Variants in NTN1 observed in about 807,000 individuals in gnomAD.
NTN1 encodes the protein netrin-1.
In NTN1, 11 loss-of-function variants were observed where a neutral mutation model predicts 54.2. The observed-to-expected ratio is 0.20, with a 90% CI of 0.13 to 0.34. The LOEUF is 0.34. NTN1 is among the 10% of genes least tolerant of loss of function. NTN1 has a pLI of 1.00. For synonymous variants in NTN1, 371 were observed against 382.0 expected (o/e 0.97, Z 0.33); for missense variants, 740 against 893.1 (o/e 0.83, Z 2.18).
intron 2 of NTN1, among the ~76,000 whole-genome samples, chr17:9,136,255 A>G (rs4791796): frequency 0.65 from 98,610 of 151,826 alleles, 32,940 homozygotes; most frequent in East Asian, 1. Flanking sequence ...GGTTCAGAGT[A>G]GACGATAATA....
At chr17:9,180,049 T>G in intron 4 of NTN1, 93 bp downstream of exon 4, 2 of 1,399,746 alleles carry the variant, frequency 1.4e-6, no homozygotes, top group Non-Finnish European at 1.9e-6. Flanking sequence ...AGTGGGTTCC[T>G]TTTTTGGTTG....
chr17:9,114,166 A>AATATATATATATATAT (rs34188198), intron 2 of NTN1, among the ~76,000 whole-genome samples: 14 of 74,606 alleles, frequency 1.9e-4, no homozygotes, highest in African/African-American at 2.3e-4. Flanking sequence ...AAAAAAAAAA[A>AATATATATATATATAT]ATATATATAT....
At chr17:9,224,811 G>GGGGGGGGGGGGGGGGGC (rs71361878) in intron 6 of NTN1, among the ~76,000 whole-genome samples, 1 of 151,484 alleles carries the variant, frequency 6.6e-6, no homozygotes, top group Non-Finnish European at 1.5e-5. Context: ...GGGTGGGGGG[G>GGGGGGGGGGGGGGGGGC]CACAGTGGGA....
At chr17:9,161,002 A>G (rs1348873918) in intron 2 of NTN1, among the ~76,000 whole-genome samples, 3 of 152,246 alleles carry the variant, frequency 2.0e-5, no homozygotes, top group Admixed American at 1.3e-4. Flanking sequence ...TTCTTTAGAA[A>G]TTCCATAAAA....
chr17:9,022,159 G>T (rs1380863247), intron 1 of NTN1, among the ~76,000 whole-genome samples, 152 bp from the exon 2 acceptor site: 2 of 152,116 alleles, frequency 1.3e-5, no homozygotes, highest in African/African-American at 4.8e-5. Flanking sequence ...CGGCTTCGCC[G>T]CCCGCGGGAC....
chr17:9,176,147 C>G (rs1300824949), intron 3 of NTN1: 1 of 141,274 alleles, frequency 7.1e-6, no homozygotes, highest in Non-Finnish European at 1.5e-5. Context: ...TTCTCCCCAG[C>G]TCACTCCACA....
intron 2 of NTN1, among the ~76,000 whole-genome samples, chr17:9,062,539 G>A (rs8082309): frequency 0.31 from 46,857 of 151,972 alleles, 7,448 homozygotes; most frequent in East Asian, 0.44. Context: ...TGCAGCCAGG[G>A]GAACCTTTAG....
the NTN1 span, among the ~76,000 whole-genome samples, chr17:9,011,625 C>G: frequency 6.6e-6 from 1 of 152,122 alleles, no homozygotes; most frequent in Non-Finnish European, 1.5e-5. Context: ...GAGCCTGGCT[C>G]TGTAGCCAGG....
chr17:9,126,279 C>T (rs1231333229), intron 2 of NTN1, among the ~76,000 whole-genome samples: 1 of 152,180 alleles, frequency 6.6e-6, no homozygotes, highest in East Asian at 1.9e-4. Context: ...GAGGCCAAGG[C>T]GGGTAGATCA....
intron 2 of NTN1, among the ~76,000 whole-genome samples, chr17:9,040,242 A>G (rs1199551116): frequency 6.6e-6 from 1 of 152,246 alleles, no homozygotes; most frequent in Non-Finnish European, 1.5e-5. Context: ...ATTTGGAAGT[A>G]TAGAACATCT....
chr17:9,013,216 C>CTTTTTTTTTTT, the NTN1 span, among the ~76,000 whole-genome samples: 1 of 118,726 alleles, frequency 8.4e-6, no homozygotes, highest in African/African-American at 3.2e-5. Flanking sequence ...TTTTCTTTTT[C>CTTTTTTTTTTT]TTTTTTTTTT....
At chr17:9,122,543 C>G (rs1188774128) in intron 2 of NTN1, among the ~76,000 whole-genome samples, 1 of 152,106 alleles carries the variant, frequency 6.6e-6, no homozygotes, top group African/African-American at 2.4e-5. Context: ...CATTAAACAC[C>G]AAGCAGTGGT....
chr17:9,043,351 TAAA>T (rs2091929079), intron 2 of NTN1, among the ~76,000 whole-genome samples: 1 of 152,208 alleles, frequency 6.6e-6, no homozygotes, highest in Admixed American at 6.5e-5. Flanking sequence ...CTTTCTAATT[TAAA>T]AAATCTATAA....
chr17:9,228,367 G>A (rs1447722486), intron 6 of NTN1, among the ~76,000 whole-genome samples: 1 of 152,198 alleles, frequency 6.6e-6, no homozygotes, highest in African/African-American at 2.4e-5. Context: ...TCAGTGCAGT[G>A]TGGGGCCCAG....
In NTN1 at chr17:9,119,034, CTTTG is replaced by C. The variant is rs542578664; in HGVS notation, c.1019-43775_1019-43772del. Among the ~76,000 whole-genome samples the C allele has an allele frequency of 2.1e-4, 32 of 152,286 alleles. No homozygotes were observed. The South Asian group carries it at 6.0e-3, about 29-fold the overall frequency. ...AGTGGAATAGCCAGGTCCTACATAACTTTGTTTAACTTTCTGAGGAACTGCTGGA... is the reference window on the plus strand; with the variant it reads ...AGTGGAATAGCCAGGTCCTACATAACTTTAACTTTCTGAGGAACTGCTGGA... On this transcript the variant is annotated intron_variant, in intron 2 of 6. Transcript: ENST00000173229.
intron 6 of NTN1, among the ~76,000 whole-genome samples, chr17:9,223,421 G>A (rs530062121): frequency 9.2e-5 from 14 of 152,190 alleles, no homozygotes; most frequent in East Asian, 7.7e-4. Context: ...GCGTCGTGGC[G>A]CACACCTGTA....
intron 5 of NTN1, among the ~76,000 whole-genome samples, chr17:9,208,652 G>C (rs1473703269): frequency 2.0e-5 from 3 of 152,212 alleles, no homozygotes; most frequent in African/African-American, 7.2e-5. Flanking sequence ...ATGGCCTCCG[G>C]CTTCTCCTAA....
intron 6 of NTN1, among the ~76,000 whole-genome samples, chr17:9,231,658 T>G (rs1182096058): frequency 6.6e-6 from 1 of 152,136 alleles, no homozygotes; most frequent in African/African-American, 2.4e-5. Flanking sequence ...AGGTGGCACC[T>G]TGGTGGAGAA....
chr17:9,151,894 A>G (rs1234306652), intron 2 of NTN1, among the ~76,000 whole-genome samples: 2 of 152,162 alleles, frequency 1.3e-5, no homozygotes, highest in African/African-American at 4.8e-5. Flanking sequence ...AAACACACCA[A>G]TCAGCACTCT....
Sources: allele counts gnomAD v4.1 joint callset (sites outside exome capture counted in the v4.1 genomes callset), GRCh38; gene constraint gnomAD v4.1.1; transcripts MANE v1.5; gene names NCBI Gene and HGNC (gene_info 2026-07-23, HGNC 2026-07-21).